The following OR7G2 variants were observed in gnomAD, a reference collection of about 807,000 sequenced individuals.
OR7G2 encodes olfactory receptor 7G2.
For missense variants in OR7G2, 362 were observed against 384.0 expected (o/e 0.94, Z 0.48); for synonymous variants, 153 against 152.2 (o/e 1.01, Z -0.04).
At position 9,102,345 on chromosome 19, in the gene OR7G2, G is replaced by T. The variant is rs1199603537; in HGVS notation, c.899C>A (p.Thr300Asn). 6 of 1,613,974 alleles carry T rather than the reference G, an allele frequency of 3.7e-6. No homozygotes were observed. The highest frequency in any genetic ancestry group is 4.2e-6 in the Non-Finnish European group (5 of 1,179,888). The change falls in exon 2 of 2, where the codon ACC (threonine) becomes AAC (asparagine). Residue 300 changes from threonine (T) to asparagine (N), a missense_variant. Transcript: ENST00000641081. ...YSLRNKDMKGTLRKFIGRIPS... is the reference protein window; with the variant it reads ...YSLRNKDMKGNLRKFIGRIPS... ...TATCCTCCCTATGAACTTCCTCAAG[G>T]TTCCTTTCATGTCCTTATTCCTCAG...
In OR7G2 at chr19:9,102,192, A is replaced by C. The variant is rs1484785173; in HGVS notation, c.*77T>G. 2.3e-6 allele frequency: 3 copies of C among 1,306,422 alleles called. No homozygotes were observed. The highest frequency in any genetic ancestry group is 2.1e-6 in the Non-Finnish European group (2 of 946,754). 80.9% of individuals were successfully genotyped at this position (1,306,422 alleles called of 1,614,324 possible). A position where few individuals can be genotyped will look rare whatever the true frequency, so the allele number is the denominator to read the frequency against. Reference sequence around the variant, plus strand: ...ACTCCAGCCTGGGAGACAGAGAAAGACTCCATCTCAGAGAAAAAAACAAAA... The same window carrying C: ...ACTCCAGCCTGGGAGACAGAGAAAGCCTCCATCTCAGAGAAAAAAACAAAA... On this transcript the variant is annotated 3_prime_UTR_variant, in exon 2 of 2. Coordinates refer to ENST00000641081, the MANE Select transcript of OR7G2 (RefSeq NM_001005193.2).
chr19:9,104,377 T>G (rs2050374197), intron 1 of OR7G2, among the ~76,000 whole-genome samples: 1 of 152,160 alleles, frequency 6.6e-6, no homozygotes, highest in African/African-American at 2.4e-5. Flanking sequence ...ATTACCTATT[T>G]GTCATCTTTC....
At chr19:9,103,339 G>C in intron 1 of OR7G2, 80 bp from the exon 2 acceptor site, 1 of 1,441,752 alleles carries the variant, frequency 6.9e-7, no homozygotes, top group Non-Finnish European at 9.6e-7. Flanking sequence ...GCAAAATCTT[G>C]CTCCCCTCCC....
In OR7G2 at chr19:9,102,601, T is replaced by C; in HGVS notation, c.643A>G (p.Ile215Val). Residue 215 changes from isoleucine (I) to valine (V), a missense_variant, in exon 2 of 2, where the codon ATT becomes GTT. By Grantham distance (29) the Ile-to-Val change is conservative. Coordinates refer to ENST00000641081, the MANE Select transcript of OR7G2 (RefSeq NM_001005193.2). ...GAGGTGATCTGAGTGTAAGACAAAA[T>C]GATTCCAGACAGAGGAACACCACCA... The part of the protein sequence containing the change: ...IFGGVPLSGI[I>V]LSYTQITSCV... 1 of 1,614,098 alleles carries C rather than the reference T, an allele frequency of 6.2e-7. No homozygotes were observed. The highest frequency in any genetic ancestry group is 8.5e-7 in the Non-Finnish European group (1 of 1,180,024).
chr19:9,106,025 C>T (rs543108133), intron 1 of OR7G2, among the ~76,000 whole-genome samples: 20 of 152,128 alleles, frequency 1.3e-4, no homozygotes, highest in Admixed American at 2.0e-4. Flanking sequence ...TTTGAACCTG[C>T]ACAGATATAT....
intron 1 of OR7G2, 78 bp downstream of exon 1, chr19:9,107,236 C>T (rs2050391264): frequency 6.6e-6 from 1 of 152,132 alleles, no homozygotes; most frequent in Non-Finnish European, 1.5e-5. Flanking sequence ...CACCTGCCCT[C>T]ATTTCCAAAG....
At position 9,102,858 on chromosome 19, in the gene OR7G2, G is replaced by A; in HGVS notation, c.386C>T (p.Pro129Leu). 6.2e-7 allele frequency: 1 copy of A among 1,613,748 alleles called. No homozygotes were observed. The highest frequency in any genetic ancestry group is 1.6e-4 in the Middle Eastern group (1 of 6,062). ...GTTCATGATGACTGTGTATCTAAGGGGGTGACAAATGGCCACATAGCGGTC... is the reference window on the plus strand; with the variant it reads ...GTTCATGATGACTGTGTATCTAAGGAGGTGACAAATGGCCACATAGCGGTC... ...AYDRYVAICH[P>L]LRYTVIMNPR... Residue 129 changes from proline to leucine, a missense_variant, in exon 2 of 2, where the codon CCC (proline) becomes CTC (leucine). By Grantham distance (98) the Pro-to-Leu change is moderately conservative (BLOSUM62 -3). Coordinates refer to ENST00000641081, the MANE Select transcript of OR7G2 (RefSeq NM_001005193.2).
At chr19:9,106,446 C>T (rs1280452129) in intron 1 of OR7G2, among the ~76,000 whole-genome samples, 2 of 138,126 alleles carry the variant, frequency 1.4e-5, no homozygotes, top group Non-Finnish European at 3.2e-5. Flanking sequence ...AAAAAATTCA[C>T]ACAATTCACC....
At chr19:9,107,031 G>T (rs1465206983) in intron 1 of OR7G2, among the ~76,000 whole-genome samples, 1 of 143,434 alleles carries the variant, frequency 7.0e-6, no homozygotes, top group Non-Finnish European at 1.5e-5. Flanking sequence ...GTGAGAACCT[G>T]TGTCTACAAA....
intron 1 of OR7G2, among the ~76,000 whole-genome samples, chr19:9,105,117 C>T (rs1234561439): frequency 6.6e-6 from 1 of 151,724 alleles, no homozygotes; most frequent in East Asian, 2.0e-4. Context: ...ATTACAGGCG[C>T]CAGCCACCGC....
chr19:9,105,273 A>G (rs2050379877), intron 1 of OR7G2, among the ~76,000 whole-genome samples: 1 of 151,722 alleles, frequency 6.6e-6, no homozygotes, highest in Non-Finnish European at 1.5e-5. Context: ...TGGCCTCTCC[A>G]TTTTCTTTAT....
At chr19:9,104,987 T>C (rs12608683) in intron 1 of OR7G2, among the ~76,000 whole-genome samples, 44,081 of 151,396 alleles carry the variant, frequency 0.29, 7,226 homozygotes, top group East Asian at 0.59. Context: ...TTTCTTTTTT[T>C]CGAGATGGAG....
rs762274756 is a variant in OR7G2, at chr19:9,102,481, C to T, written c.763G>A (p.Gly255Ser). The change falls in exon 2 of 2, where the codon GGT (glycine) becomes AGT (serine). Residue 255 changes from glycine to serine, a missense_variant. Coordinates refer to ENST00000641081, the MANE Select transcript of OR7G2 (RefSeq NM_001005193.2). Reference protein sequence around the residue: ...LSIVLLFYGAGLGVYISSVVT... With the variant: ...LSIVLLFYGASLGVYISSVVT... ...ACAGAACTAATGTACACCCCCAAAC[C>T]TGCCCCATAGAACAAGAGAACAATG... 5 of 1,613,982 alleles carry T rather than the reference C, an allele frequency of 3.1e-6. No individual in the cohort carries two copies. Among genetic ancestry groups the T allele is most frequent in the Non-Finnish European group, 4.2e-6 (5 of 1,179,988 alleles).
intron 1 of OR7G2, among the ~76,000 whole-genome samples, chr19:9,106,599 G>T (rs892675667): frequency 6.6e-6 from 1 of 151,332 alleles, no homozygotes; most frequent in Non-Finnish European, 1.5e-5. Flanking sequence ...CTGAGGTCAG[G>T]AGTTCAAGAC....
At chr19:9,105,005 C>T (rs535595075) in intron 1 of OR7G2, among the ~76,000 whole-genome samples, 6 of 151,276 alleles carry the variant, frequency 4.0e-5, no homozygotes, top group Non-Finnish European at 7.4e-5. Context: ...GAGTCTTGCT[C>T]TGTCACCCAG....
intron 1 of OR7G2, among the ~76,000 whole-genome samples, chr19:9,105,740 G>T (rs1600204847): frequency 1.3e-5 from 2 of 152,130 alleles, no homozygotes. Flanking sequence ...CCAGCTACTT[G>T]GGAGGCTGAG....
At position 9,102,996 on chromosome 19, in the gene OR7G2, A is replaced by G; in HGVS notation, c.248T>C (p.Val83Ala). 5 of 1,614,168 alleles carry G rather than the reference A, an allele frequency of 3.1e-6. No individual in the cohort carries two copies. Among genetic ancestry groups the G allele is most frequent in the Non-Finnish European group, 4.2e-6 (5 of 1,180,026 alleles). ...LSTTTIPKMLVNIQAQNRSIT... is the reference protein window; with the variant it reads ...LSTTTIPKMLANIQAQNRSIT... ...GCTCCGATTCTGAGCTTGGATGTTCACCAGCATCTTTGGGATCGTGGTTGT... is the reference window on the plus strand; with the variant it reads ...GCTCCGATTCTGAGCTTGGATGTTCGCCAGCATCTTTGGGATCGTGGTTGT... The change falls in exon 2 of 2, where the codon GTG becomes GCG. Residue 83 changes from valine (V) to alanine (A), a missense_variant. Physicochemically the swap from Val to Ala is moderately conservative, Grantham distance 64 (BLOSUM62 0). Coordinates refer to ENST00000641081, the MANE Select transcript of OR7G2 (RefSeq NM_001005193.2).
In OR7G2 at chr19:9,101,418, A is replaced by G. The variant is rs1440640490; in HGVS notation, c.*851T>C. On this transcript the variant is annotated 3_prime_UTR_variant, in exon 2 of 2. Coordinates refer to ENST00000641081, the MANE Select transcript of OR7G2 (RefSeq NM_001005193.2). Reference sequence around the variant, plus strand: ...TTCTGAGACTAATCCATTAAAAAAAAATCACTTAGCCAGGAGCGGTGGCTC... The same window carrying G: ...TTCTGAGACTAATCCATTAAAAAAAGATCACTTAGCCAGGAGCGGTGGCTC... The G allele has an allele frequency of 6.6e-6, 1 of 152,192 alleles. No homozygotes were observed. The highest frequency in any genetic ancestry group is 1.5e-5 in the Non-Finnish European group (1 of 68,050). 9.4% of individuals were successfully genotyped at this position (152,192 alleles called of 1,614,324 possible).
intron 1 of OR7G2, 49 bp from the exon 2 acceptor site, chr19:9,103,308 A>C: frequency 6.2e-7 from 1 of 1,604,178 alleles, no homozygotes; most frequent in Admixed American, 1.7e-5. Flanking sequence ...CATCGGCATC[A>C]CTCGAGAACA....
Sources: allele counts gnomAD v4.1 joint callset (sites outside exome capture counted in the v4.1 genomes callset), GRCh38; gene constraint gnomAD v4.1.1; transcripts MANE v1.5; gene names NCBI Gene and HGNC (gene_info 2026-07-23, HGNC 2026-07-21).